Variants in TLK1 observed in about 807,000 individuals in gnomAD.
TLK1 encodes the protein serine/threonine-protein kinase tousled-like 1.
Under a neutral mutation model 105.3 loss-of-function variants are expected in TLK1, and 24 were observed. The ratio of observed to expected loss-of-function variants is 0.23; its 90% CI spans 0.17 to 0.32. The LOEUF is 0.32. Among genes scored for constraint, TLK1 ranks in the 10% least tolerant of loss-of-function variants. The pLI, the probability that TLK1 is intolerant of heterozygous loss-of-function variation, is 1.00. For missense variants in TLK1, 558 were observed against 910.5 expected, an observed-to-expected ratio of 0.61 and a Z score of 4.98; for synonymous variants, 321 against 310.4, an observed-to-expected ratio of 1.03 and a Z score of -0.36.
In TLK1 at chr2:171,199,443, A is replaced by G. The variant is rs530389434; in HGVS notation, c.-6+31702T>C. Among the ~76,000 whole-genome samples the G allele has an allele frequency of 5.3e-5, 8 of 152,084 alleles. No individual in the cohort carries two copies. In the East Asian group the frequency reaches 1.5e-3, roughly 29 times the overall value. ...CAAGAGGATCACCTAAGCCTGGGAGATGGAGGCTGCAGTGAGCCGTGATCA... is the reference window on the plus strand; with the variant it reads ...CAAGAGGATCACCTAAGCCTGGGAGGTGGAGGCTGCAGTGAGCCGTGATCA... On this transcript the variant is annotated intron_variant, in intron 1 of 20. Coordinates refer to the TLK1 transcript ENST00000521943.
intron 1 of TLK1, among the ~76,000 whole-genome samples, chr2:171,206,797 A>G (rs1273310142): frequency 1.3e-5 from 2 of 152,260 alleles, no homozygotes; most frequent in African/African-American, 4.8e-5. Context: ...GCATATGAAA[A>G]GATGTTCAAC....
Position 171,087,661 on chromosome 2 carries a change from G to A in TLK1, c.259-4809C>T, listed in dbSNP as rs1039564684. ...TAACTACAAAGAAAACCACACCTACGCACATCATAGTCAAACTGCTGAAAA... is the reference window on the plus strand; with the variant it reads ...TAACTACAAAGAAAACCACACCTACACACATCATAGTCAAACTGCTGAAAA... On this transcript the variant is annotated intron_variant, in intron 2 of 20. Coordinates refer to ENST00000431350, the MANE Select transcript of TLK1 (RefSeq NM_012290.5). 2.7e-4 allele frequency among the ~76,000 whole-genome samples: 41 copies of A among 152,114 alleles called. 1 individual carries two copies. Among genetic ancestry groups the A allele is most frequent in the Non-Finnish European group, 2.4e-4 (16 of 68,030 alleles).
Position 171,160,201 on chromosome 2 carries a change from C to A in TLK1, c.139+89G>T, listed in dbSNP as rs2105613131. ...CCACCCCAGGGTCTGGCGGAGAAGC[C>A]CCGGGGCGGGGGGGGCGGGGGGGGG... is the stretch of plus-strand genomic sequence containing the variant. On this transcript the variant is annotated intron_variant, in intron 1 of 20. Coordinates refer to ENST00000431350, the MANE Select transcript of TLK1 (RefSeq NM_012290.5). The surrounding 1 kb of genome is among the most constrained non-coding windows in gnomAD (Gnocchi z 4.4). The A allele has an allele frequency of 8.3e-7, 1 of 1,209,690 alleles. No individual in the cohort carries two copies. Among genetic ancestry groups the A allele is most frequent in the East Asian group, 3.3e-5 (1 of 30,214 alleles). 74.9% of individuals were successfully genotyped at this position (1,209,690 alleles called of 1,614,324 possible).
At chr2:171,182,922 C>CAAA (rs756752409) in intron 1 of TLK1, among the ~76,000 whole-genome samples, 1 of 61,450 alleles carries the variant, frequency 1.6e-5, no homozygotes, top group Admixed American at 1.8e-4. Flanking sequence ...ACCCTGACTC[C>CAAA]AAAAAAAAAA....
intron 8 of TLK1, among the ~76,000 whole-genome samples, chr2:171,053,208 T>C (rs931989864): frequency 5.9e-5 from 9 of 152,236 alleles, no homozygotes; most frequent in Non-Finnish European, 1.2e-4. Flanking sequence ...ATTTGTGTTA[T>C]GGTAGTTGGT....
At chr2:171,162,816 T>C (rs1692539582), upstream of TLK1, among the ~76,000 whole-genome samples, 1 of 152,206 alleles carries the variant, frequency 6.6e-6, no homozygotes, top group African/African-American at 2.4e-5. Context: ...TTTTTGTTTT[T>C]GAGACAGAGT....
chr2:171,100,780 T>C (rs1689656442), intron 2 of TLK1, among the ~76,000 whole-genome samples: 1 of 152,190 alleles, frequency 6.6e-6, no homozygotes. Context: ...CTCAAAACAT[T>C]AAACACAGAG....
rs576107153 is a variant in TLK1, at chr2:171,033,098, T to C, written c.1170-4693A>G. Reference sequence around the variant, plus strand: ...ATGGGCACCTGCAATCCCAGATACTTGGGAGGTTGAGAAAGGAGAATCGCT... The same window carrying C: ...ATGGGCACCTGCAATCCCAGATACTCGGGAGGTTGAGAAAGGAGAATCGCT... On this transcript the variant is annotated intron_variant, in intron 11 of 20. Coordinates refer to ENST00000431350, the MANE Select transcript of TLK1 (RefSeq NM_012290.5). Among the ~76,000 whole-genome samples the C allele has an allele frequency of 4.6e-5, 7 of 151,672 alleles. No homozygotes were observed. In the South Asian group the frequency reaches 1.5e-3, roughly 32 times the overall value.
chr2:171,178,959 A>G (rs577285385), intron 1 of TLK1, among the ~76,000 whole-genome samples: 1 of 152,288 alleles, frequency 6.6e-6, no homozygotes, highest in South Asian at 2.1e-4. Context: ...TTGGTGCTAT[A>G]ATTTTGAATG....
intron 1 of TLK1, among the ~76,000 whole-genome samples, 156 bp from the exon 2 acceptor site, chr2:171,118,013 C>T (rs1338211259): frequency 2.0e-5 from 3 of 152,144 alleles, no homozygotes; most frequent in Admixed American, 6.5e-5. Context: ...TTTAAATGTA[C>T]ACATCAACTT....
At chr2:171,099,384 T>TTG (rs1267980621) in intron 2 of TLK1, among the ~76,000 whole-genome samples, 1 of 152,092 alleles carries the variant, frequency 6.6e-6, no homozygotes, top group East Asian at 1.9e-4. Flanking sequence ...GTACCAACAG[T>TTG]TGTGTTCATG....
intron 8 of TLK1, among the ~76,000 whole-genome samples, chr2:171,052,692 C>A (rs1324342245): frequency 6.6e-6 from 1 of 152,082 alleles, no homozygotes; most frequent in South Asian, 2.1e-4. Flanking sequence ...TTTAATACAA[C>A]CATAAAGAAA....
At chr2:171,007,699 T>C (rs1575507751) in intron 14 of TLK1, among the ~76,000 whole-genome samples, 1 of 152,104 alleles carries the variant, frequency 6.6e-6, no homozygotes, top group East Asian at 1.9e-4. Context: ...CAGAGTATTA[T>C]TAAAACAAAT....
intron 1 of TLK1, among the ~76,000 whole-genome samples, chr2:171,181,877 A>C (rs2105308139): frequency 6.6e-6 from 1 of 152,176 alleles, no homozygotes; most frequent in African/African-American, 2.4e-5. Context: ...TCTCCTCCTA[A>C]TCTGTCAGCT....
Position 171,046,368 on chromosome 2 carries a change from T to C in TLK1, c.981-6A>G. ...GATTCACCCATTCTTGTTGCCTGTG[T>C]AAAAATAAACAAATAAAACCATATT... On this transcript the variant is annotated splice_polypyrimidine_tract_variant and splice_region_variant and intron_variant, in intron 10 of 20. Transcript: ENST00000431350. The C allele has an allele frequency of 1.3e-6, 2 of 1,584,432 alleles. No individual in the cohort carries two copies. Among genetic ancestry groups the C allele is most frequent in the South Asian group, 1.2e-5 (1 of 85,212 alleles).
intron 13 of TLK1, among the ~76,000 whole-genome samples, chr2:171,013,098 C>T (rs989478995): frequency 2.0e-5 from 3 of 151,416 alleles, no homozygotes; most frequent in East Asian, 2.0e-4. Context: ...GCGCAACCTC[C>T]GCCTCCCGGG....
At chr2:171,193,468 C>T (rs947100061) in intron 1 of TLK1, among the ~76,000 whole-genome samples, 1 of 150,692 alleles carries the variant, frequency 6.6e-6, no homozygotes, top group African/African-American at 2.5e-5. Flanking sequence ...GCGATCTCGG[C>T]TCACTGCAAG....
intron 8 of TLK1, 42 bp downstream of exon 8, chr2:171,053,719 T>G: frequency 6.8e-7 from 1 of 1,461,942 alleles, no homozygotes; most frequent in Admixed American, 2.2e-5. Flanking sequence ...TGTTGCCAAA[T>G]AATTTATTCA....
At chr2:171,199,659 ACAGT>A (rs1450792720) in intron 1 of TLK1, among the ~76,000 whole-genome samples, 2 of 152,178 alleles carry the variant, frequency 1.3e-5, no homozygotes, top group African/African-American at 2.4e-5. Flanking sequence ...GGGATGGGGC[ACAGT>A]CAAAGTAGTA....
Sources: allele counts gnomAD v4.1 joint callset (sites outside exome capture counted in the v4.1 genomes callset), GRCh38; gene constraint gnomAD v4.1.1; non-coding constraint Gnocchi (gnomAD v3.1); transcripts MANE v1.5; gene names NCBI Gene and HGNC (gene_info 2026-07-23, HGNC 2026-07-21).